ADAMTS19: variants seen among roughly 807,000 people sequenced by gnomAD.
ADAMTS19 encodes the protein A disintegrin and metalloproteinase with thrombospondin motifs 19.
Under a neutral mutation model 153.3 loss-of-function variants are expected in ADAMTS19, and 93 were observed. That is an observed-to-expected ratio of 0.61 (90% CI 0.51 to 0.72). The LOEUF is 0.72. Ranked by LOEUF, ADAMTS19 falls within the 30% of genes least tolerant of loss-of-function variation. The pLI is 0.00. For missense variants in ADAMTS19, 1,482 were observed against 1,552.1 expected (o/e 0.95, Z 0.76); for synonymous variants, 600 against 556.6 (o/e 1.08, Z -1.10).
At chr5:129,486,745 AAAATAAATAAAT>A (rs3059618) in intron 2 of ADAMTS19, among the ~76,000 whole-genome samples, 1 of 152,130 alleles carries the variant, frequency 6.6e-6, no homozygotes, top group African/African-American at 2.4e-5. Context: ...AACAATAAGC[AAAATAAATAAAT>A]AAATAAATAA....
At chr5:129,512,724 C>T (rs758177769) in intron 3 of ADAMTS19, among the ~76,000 whole-genome samples, 11 of 152,030 alleles carry the variant, frequency 7.2e-5, no homozygotes, top group Non-Finnish European at 1.0e-4. Flanking sequence ...TTCTAACTCT[C>T]TCTTACCTGA....
intron 7 of ADAMTS19, among the ~76,000 whole-genome samples, chr5:129,585,796 T>G (rs919493129): frequency 6.6e-5 from 10 of 152,232 alleles, no homozygotes; most frequent in African/African-American, 2.4e-4. Context: ...TATAAAACTT[T>G]AAACATGCCA....
chr5:129,480,980 A>C (rs746599839), intron 2 of ADAMTS19, among the ~76,000 whole-genome samples: 18 of 152,210 alleles, frequency 1.2e-4, no homozygotes, highest in Non-Finnish European at 2.4e-4. Context: ...AGGGGTGATA[A>C]AAATATTTTA....
At chr5:129,596,731 A>T in intron 8 of ADAMTS19, 67 bp downstream of exon 8, 1 of 1,169,306 alleles carries the variant, frequency 8.6e-7, no homozygotes, top group Non-Finnish European at 1.2e-6. Context: ...TTACTGAATT[A>T]CCTGGATATC....
intron 17 of ADAMTS19, 116 bp from the exon 18 acceptor site, chr5:129,684,004 A>G (rs1754949055): frequency 8.6e-7 from 1 of 1,159,254 alleles, no homozygotes; most frequent in Non-Finnish European, 1.2e-6. Flanking sequence ...CAACAACAAC[A>G]ACAAAATGCA....
chr5:129,565,052 A>G (rs963107182), intron 7 of ADAMTS19, among the ~76,000 whole-genome samples: 5 of 152,214 alleles, frequency 3.3e-5, no homozygotes, highest in African/African-American at 1.2e-4. Context: ...TTGTTGATGA[A>G]CATGTTTAAG....
Position 129,526,646 on chromosome 5 carries a change from A to G in ADAMTS19, c.1086+190A>G, listed in dbSNP as rs1013363142. ...AAGCAATATCAAAATAAAAATTCACATCTTGTAAACCCTTGTTAATTTTGA... is the reference window on the plus strand; with the variant it reads ...AAGCAATATCAAAATAAAAATTCACGTCTTGTAAACCCTTGTTAATTTTGA... On this transcript the variant is annotated intron_variant, in intron 4 of 22. Transcript: ENST00000274487. 19 of 522,624 alleles carry G rather than the reference A, an allele frequency of 3.6e-5. No individual in the cohort carries two copies. In the African/African-American group the frequency reaches 3.6e-4, roughly 10 times the overall value. The allele number at this position is 522,624 out of a possible 1,614,324, so 32.4% of individuals were successfully genotyped here.
intron 2 of ADAMTS19, among the ~76,000 whole-genome samples, chr5:129,480,939 T>G (rs6861178): frequency 0.38 from 58,476 of 151,918 alleles, 13,640 homozygotes; most frequent in African/African-American, 0.66. Flanking sequence ...TGAGGAAAAA[T>G]AATTCATTAT....
intron 11 of ADAMTS19, among the ~76,000 whole-genome samples, chr5:129,644,833 A>G (rs1216048660): frequency 6.6e-6 from 1 of 152,212 alleles, no homozygotes; most frequent in Non-Finnish European, 1.5e-5. Context: ...ATTCTATGTA[A>G]TATATTTTAG....
Position 129,704,349 on chromosome 5 carries a change from T to C in ADAMTS19, c.3270T>C (p.Asp1090=). The C allele has an allele frequency of 6.2e-7, 1 of 1,614,088 alleles. No individual in the cohort carries two copies. The highest frequency in any genetic ancestry group is 8.5e-7 in the Non-Finnish European group (1 of 1,179,974). ...CCAGGGAGGCTGAAGACTGTGAGGA[T>C]TATTCAAAATGCTATGTGTGGCGAA... ...TRPREAEDCE[D]YSKCYVWRMG... The change falls in exon 21 of 23, where the codon GAT becomes GAC. Residue 1090 remains aspartate, a synonymous_variant. Transcript: ENST00000274487.
At position 129,699,158 on chromosome 5, in the gene ADAMTS19, A is replaced by T. The variant is rs573881037; in HGVS notation, c.2955-2230A>T. 9.2e-5 allele frequency among the ~76,000 whole-genome samples: 14 copies of T among 152,338 alleles called. No individual in the cohort carries two copies. The South Asian group carries it at 2.9e-3, about 32-fold the overall frequency. On this transcript the variant is annotated intron_variant, in intron 19 of 22. Coordinates refer to ENST00000274487, the MANE Select transcript of ADAMTS19 (RefSeq NM_133638.6). ...TGTTTATGGCCAGGCACAATGGCTC[A>T]TGCCTGTAATCCCAGCTCTTTAGGA...
chr5:129,494,616 A>C (rs548104551), intron 2 of ADAMTS19, among the ~76,000 whole-genome samples: 1 of 152,266 alleles, frequency 6.6e-6, no homozygotes, highest in South Asian at 2.1e-4. Context: ...ACCTAGATGA[A>C]ATTTAAATAT....
chr5:129,636,933 T>TAA (rs1752557984), intron 10 of ADAMTS19, among the ~76,000 whole-genome samples: 2 of 152,214 alleles, frequency 1.3e-5, no homozygotes, highest in African/African-American at 4.8e-5. Context: ...CTATAGAAGG[T>TAA]AAACACTCAG....
rs529369279 is a variant in ADAMTS19, at chr5:129,510,028, A to T, written c.913+786A>T. Among the ~76,000 whole-genome samples the T allele has an allele frequency of 6.7e-4, 102 of 151,868 alleles. 1 individual carries two copies. The highest frequency in any genetic ancestry group is 6.9e-4 in the Non-Finnish European group (47 of 67,884). ...CCTAGGAAAAATTTTTAGACATGGA[A>T]TCCAGACATCTCAGGGTATTTACTG... is the stretch of plus-strand genomic sequence containing the variant. On this transcript the variant is annotated intron_variant, in intron 3 of 22. Transcript: ENST00000274487.
At chr5:129,642,113 T>C (rs2127024823) in intron 11 of ADAMTS19, among the ~76,000 whole-genome samples, 153 bp downstream of exon 11, 1 of 151,820 alleles carries the variant, frequency 6.6e-6, no homozygotes, top group Non-Finnish European at 1.5e-5. Context: ...AGTTTTAACA[T>C]TTATACTTTT....
At chr5:129,482,490 G>T (rs1750449904) in intron 2 of ADAMTS19, among the ~76,000 whole-genome samples, 1 of 152,000 alleles carries the variant, frequency 6.6e-6, no homozygotes, top group African/African-American at 2.4e-5. Context: ...CAAATTAAGG[G>T]AACTACCAGA....
At chr5:129,626,237 A>G (rs1752039970) in intron 10 of ADAMTS19, among the ~76,000 whole-genome samples, 1 of 152,118 alleles carries the variant, frequency 6.6e-6, no homozygotes, top group Admixed American at 6.5e-5. Flanking sequence ...ACTTCTTTAT[A>G]TGCTATATTG....
chr5:129,588,121 A>G (rs1749912113), intron 7 of ADAMTS19, among the ~76,000 whole-genome samples: 1 of 152,124 alleles, frequency 6.6e-6, no homozygotes, highest in Non-Finnish European at 1.5e-5. Context: ...TGGCTTTGTT[A>G]TGTAATGAAT....
intron 18 of ADAMTS19, among the ~76,000 whole-genome samples, chr5:129,691,081 A>G (rs1489270310): frequency 6.6e-6 from 1 of 152,158 alleles, no homozygotes; most frequent in African/African-American, 2.4e-5. Flanking sequence ...GGTTAAATAC[A>G]GAGCATATAT....
Sources: allele counts gnomAD v4.1 joint callset (sites outside exome capture counted in the v4.1 genomes callset), GRCh38; gene constraint gnomAD v4.1.1; transcripts MANE v1.5; gene names NCBI Gene and HGNC (gene_info 2026-07-23, HGNC 2026-07-21).